Variants in RPH3A observed in about 807,000 individuals in gnomAD.
RPH3A encodes the protein rabphilin 3A, also known as rabphilin-3A.
In RPH3A, 48 loss-of-function variants were observed where a neutral mutation model predicts 102.2. The observed-to-expected ratio is 0.47, with a 90% CI of 0.37 to 0.60. The LOEUF is 0.60. RPH3A is among the 20% of genes least tolerant of loss of function. The pLI is 0.00. For missense variants in RPH3A, 781 were observed against 910.1 expected (o/e 0.86, Z 1.83); for synonymous variants, 310 against 324.3 (o/e 0.96, Z 0.47).
intron 3 of RPH3A, 53 bp downstream of exon 3, chr12:112,828,442 G>A: frequency 7.5e-7 from 1 of 1,341,852 alleles, no homozygotes; most frequent in Non-Finnish European, 1.0e-6. Context: ...ATGAGGTTTT[G>A]ACAATTCTAC....
At chr12:112,821,194 A>G (rs2041772126) in intron 2 of RPH3A, among the ~76,000 whole-genome samples, 1 of 152,200 alleles carries the variant, frequency 6.6e-6, no homozygotes, top group Non-Finnish European at 1.5e-5. Flanking sequence ...CACAGTAGAC[A>G]AAGCAGGAGG....
chr12:112,778,361 T>C (rs1348341286), intron 1 of RPH3A, among the ~76,000 whole-genome samples: 1 of 152,324 alleles, frequency 6.6e-6, no homozygotes, highest in African/African-American at 2.4e-5. Context: ...TCTGACACCC[T>C]GAAAGTAGTT....
In RPH3A at chr12:112,617,056, C is replaced by T. The variant is rs556634630; in HGVS notation, c.-140+41737C>T. Among the ~76,000 whole-genome samples, 3 of 152,302 alleles carry T rather than the reference C, an allele frequency of 2.0e-5. No homozygotes were observed. The South Asian group carries it at 6.2e-4, about 32-fold the overall frequency. Reference sequence around the variant, plus strand: ...ATACAAGAAGACAGTTTTTTCCCTCCTGAGCCCTGAGGTCTGAGGCTGAAG... The same window carrying T: ...ATACAAGAAGACAGTTTTTTCCCTCTTGAGCCCTGAGGTCTGAGGCTGAAG... On this transcript the variant is annotated intron_variant, in intron 1 of 21. Transcript: ENST00000543106.
intron 1 of RPH3A, among the ~76,000 whole-genome samples, chr12:112,610,581 T>A (rs1327282661): frequency 1.3e-4 from 20 of 151,744 alleles, no homozygotes; most frequent in Non-Finnish European, 7.4e-5. Flanking sequence ...CAGTCCATTA[T>A]CTTATTTGAT....
intron 2 of RPH3A, among the ~76,000 whole-genome samples, chr12:112,815,489 T>C (rs988550181): frequency 6.6e-6 from 1 of 152,104 alleles, no homozygotes; most frequent in Admixed American, 6.6e-5. Flanking sequence ...CATCTAAAAT[T>C]TGTGAAATGC....
intron 1 of RPH3A, among the ~76,000 whole-genome samples, chr12:112,577,025 C>A (rs1379861931): frequency 6.6e-6 from 1 of 150,870 alleles, no homozygotes; most frequent in African/African-American, 2.4e-5. Flanking sequence ...TCTGCCTCAG[C>A]CTCCTGGGAA....
chr12:112,716,673 G>A (rs1356472366), intron 1 of RPH3A, among the ~76,000 whole-genome samples: 1 of 152,236 alleles, frequency 6.6e-6, no homozygotes, highest in Non-Finnish European at 1.5e-5. Flanking sequence ...CCACACCTAA[G>A]TGGAGGCTGG....
Position 112,897,936 on chromosome 12 carries a change from C to T in RPH3A, c.*1156C>T, listed in dbSNP as rs1010226801. 5.3e-5 allele frequency: 8 copies of T among 152,330 alleles called. No homozygotes were observed. Among genetic ancestry groups the T allele is most frequent in the Non-Finnish European group, 7.3e-5 (5 of 68,144 alleles). The allele number at this position is 152,330 out of a possible 1,614,324, so 9.4% of individuals were successfully genotyped here. On this transcript the variant is annotated 3_prime_UTR_variant, in exon 22 of 22. Coordinates refer to ENST00000389385, the MANE Select transcript of RPH3A (RefSeq NM_001143854.2). The stretch of plus-strand genomic sequence containing the variant: ...TCTGAGGAAGCCTCAGCCAAAGCCT[C>T]CAGCCTTTCTCCTTTCTCCGCTCTT...
Position 112,678,322 on chromosome 12 carries a change from A to AGAGAGAGAGAGAGGG in RPH3A, c.-140+103003_-140+103004insGAGAGAGAGAGAGGG, listed in dbSNP as rs2040201055. 1.5e-5 allele frequency among the ~76,000 whole-genome samples: 2 copies of AGAGAGAGAGAGAGGG among 134,126 alleles called. 1 individual carries two copies. The allele number at this position is 134,126 out of a possible 152,430, so 88.0% of individuals were successfully genotyped here. A position where few individuals can be genotyped will look rare whatever the true frequency, so the allele number is the denominator to read the frequency against. ...GAAAGAAAGAGAGAGAGAGAGAAAG[A>AGAGAGAGAGAGAGGG]AAGAAAGAAGGAAGGAAGGAAGGAA... is the stretch of plus-strand genomic sequence containing the variant. On this transcript the variant is annotated intron_variant, in intron 1 of 21. Coordinates refer to the RPH3A transcript ENST00000543106.
At position 112,887,872 on chromosome 12, in the gene RPH3A, G is replaced by A. The variant is rs1452963310; in HGVS notation, c.1512G>A (p.Leu504=). 9 of 1,613,966 alleles carry A rather than the reference G, an allele frequency of 5.6e-6. No individual in the cohort carries two copies. The highest frequency in any genetic ancestry group is 7.6e-6 in the Non-Finnish European group (9 of 1,179,890). ...AGACCAGATTCTCCCTCAAGAAACT[G>A]AAGCCCAACCAGAGGAAGAATTTCA... ...IGETRFSLKK[L]KPNQRKNFNI... is the part of the protein sequence containing the mutation. Residue 504 remains leucine, a synonymous_variant, in exon 17 of 22, where the codon CTG becomes CTA. Coordinates refer to ENST00000389385, the MANE Select transcript of RPH3A (RefSeq NM_001143854.2).
chr12:112,717,884 C>A (rs546017958), intron 1 of RPH3A: 1 of 152,208 alleles, frequency 6.6e-6, no homozygotes, highest in Non-Finnish European at 1.5e-5. Flanking sequence ...TGCTTCATGT[C>A]CTCGCTAAGT....
At chr12:112,597,167 A>G (rs1038981977) in intron 1 of RPH3A, among the ~76,000 whole-genome samples, 4 of 152,168 alleles carry the variant, frequency 2.6e-5, no homozygotes, top group Non-Finnish European at 5.9e-5. Flanking sequence ...TTTGGGGAGG[A>G]GGAGAGGGAA....
chr12:112,826,949 G>GTATATTT (rs1248247375), intron 2 of RPH3A, among the ~76,000 whole-genome samples: 25 of 152,066 alleles, frequency 1.6e-4, no homozygotes, highest in Non-Finnish European at 2.6e-4. Flanking sequence ...GTATACCTGA[G>GTATATTT]CATATTTCTC....
At chr12:112,837,915 C>T in intron 4 of RPH3A, 1 of 436,930 alleles carries the variant, frequency 2.3e-6, no homozygotes, top group Non-Finnish European at 4.6e-6. Context: ...CCCTTCCTCC[C>T]TCCCTTCCTC....
chr12:112,632,166 G>A (rs377063618), intron 1 of RPH3A, among the ~76,000 whole-genome samples: 2 of 152,138 alleles, frequency 1.3e-5, no homozygotes, highest in South Asian at 2.1e-4. Context: ...CATGTAAGAC[G>A]TGACTTGCTC....
At chr12:112,581,597 A>C (rs772231557) in intron 1 of RPH3A, among the ~76,000 whole-genome samples, 1 of 152,214 alleles carries the variant, frequency 6.6e-6, no homozygotes, top group African/African-American at 2.4e-5. Flanking sequence ...ATGGGGTTTC[A>C]CTATGTTTCC....
chr12:112,817,699 TTTAA>T (rs2041701525), intron 2 of RPH3A, among the ~76,000 whole-genome samples: 1 of 152,152 alleles, frequency 6.6e-6, no homozygotes, highest in African/African-American at 2.4e-5. Context: ...TAGTTTTGCT[TTTAA>T]TTAGTGTTGT....
chr12:112,668,151 T>C (rs2040100883), intron 1 of RPH3A, among the ~76,000 whole-genome samples: 1 of 152,208 alleles, frequency 6.6e-6, no homozygotes, highest in Non-Finnish European at 1.5e-5. Context: ...ATGGCCAAGC[T>C]GTAAGATCCA....
At chr12:112,615,721 T>TA (rs1319150983) in intron 1 of RPH3A, among the ~76,000 whole-genome samples, 1 of 152,166 alleles carries the variant, frequency 6.6e-6, no homozygotes, top group Admixed American at 6.5e-5. Flanking sequence ...CAAAGAACCA[T>TA]AGTTATCCAC....
Sources: allele counts gnomAD v4.1 joint callset (sites outside exome capture counted in the v4.1 genomes callset), GRCh38; gene constraint gnomAD v4.1.1; transcripts MANE v1.5; gene names NCBI Gene and HGNC (gene_info 2026-07-23, HGNC 2026-07-21).